Variants in IMMP2L observed in about 807,000 individuals in gnomAD.
The protein encoded by IMMP2L is inner mitochondrial membrane peptidase subunit 2, also known as mitochondrial inner membrane protease subunit 2.
Under a neutral mutation model 19.3 loss-of-function variants are expected in IMMP2L, and 18 were observed. The ratio of observed to expected loss-of-function variants is 0.93; its 90% CI spans 0.64 to 1.38. The LOEUF is 1.38. Ranked by LOEUF, IMMP2L falls within the 40% of genes most tolerant of loss-of-function variation. The probability of loss-of-function intolerance (pLI) is 0.00; values close to 1 mark genes in which losing one functional copy is unlikely to be tolerated. For synonymous variants in IMMP2L, 76 were observed against 73.0 expected, an observed-to-expected ratio of 1.04 and a Z score of -0.21; for missense variants, 233 against 218.2, an observed-to-expected ratio of 1.07 and a Z score of -0.43.
chr7:111,291,221 G>C (rs574958074), intron 3 of IMMP2L, among the ~76,000 whole-genome samples: 1 of 151,196 alleles, frequency 6.6e-6, no homozygotes, highest in Non-Finnish European at 1.5e-5. Flanking sequence ...TCTTTTGAGG[G>C]AAAAAAAAAG....
intron 5 of IMMP2L, among the ~76,000 whole-genome samples, chr7:110,844,922 A>AG (rs1332840959): frequency 6.6e-6 from 1 of 151,976 alleles, no homozygotes; most frequent in African/African-American, 2.4e-5. Flanking sequence ...GAGGATTGAA[A>AG]GGGGAGGCCC....
chr7:110,932,258 C>T (rs376652200), intron 4 of IMMP2L, among the ~76,000 whole-genome samples: 3 of 152,164 alleles, frequency 2.0e-5, no homozygotes, highest in South Asian at 2.1e-4. Flanking sequence ...ATTTCTAGAT[C>T]GAATGAATCC....
chr7:111,350,350 C>CATATATATAT (rs35448482), intron 3 of IMMP2L, among the ~76,000 whole-genome samples: 7 of 147,216 alleles, frequency 4.8e-5, no homozygotes, highest in African/African-American at 1.7e-4. Flanking sequence ...TGCATATATA[C>CATATATATAT]ATATATATAT....
At chr7:111,497,547 C>T (rs112132797) in intron 2 of IMMP2L, among the ~76,000 whole-genome samples, 17 of 151,384 alleles carry the variant, frequency 1.1e-4, no homozygotes, top group South Asian at 4.2e-4. Flanking sequence ...GTGAAAAATG[C>T]GACATAGAAA....
intron 3 of IMMP2L, among the ~76,000 whole-genome samples, chr7:111,429,325 C>G (rs1836401317): frequency 6.6e-6 from 1 of 151,860 alleles, no homozygotes; most frequent in Admixed American, 6.6e-5. Flanking sequence ...AATTAACCTA[C>G]TCTTTTCAAA....
At chr7:110,815,183 T>C (rs983925909) in intron 5 of IMMP2L, among the ~76,000 whole-genome samples, 3 of 152,186 alleles carry the variant, frequency 2.0e-5, no homozygotes, top group Non-Finnish European at 2.9e-5. Flanking sequence ...GAAGCGCTGT[T>C]GAATTTTGTC....
At chr7:111,323,378 G>A (rs899252923) in intron 3 of IMMP2L, among the ~76,000 whole-genome samples, 16 of 151,804 alleles carry the variant, frequency 1.1e-4, no homozygotes, top group African/African-American at 2.2e-4. Context: ...CAGCCAAAAG[G>A]CACATGAAAA....
At chr7:111,305,111 T>G (rs926198911) in intron 3 of IMMP2L, among the ~76,000 whole-genome samples, 11 of 152,058 alleles carry the variant, frequency 7.2e-5, no homozygotes, top group African/African-American at 2.2e-4. Context: ...TTCTTTTGAT[T>G]TGCTATGAAA....
chr7:110,685,619 G>GT (rs1198840570), intron 5 of IMMP2L, among the ~76,000 whole-genome samples: 1 of 152,064 alleles, frequency 6.6e-6, no homozygotes, highest in Non-Finnish European at 1.5e-5. Flanking sequence ...ATGGTTTATT[G>GT]TAAGTATAAA....
At chr7:110,756,957 TG>T (rs1470355357) in intron 5 of IMMP2L, among the ~76,000 whole-genome samples, 1 of 152,080 alleles carries the variant, frequency 6.6e-6, no homozygotes, top group Non-Finnish European at 1.5e-5. Flanking sequence ...ACATTTTATT[TG>T]TATGTATTTA....
chr7:111,441,282 C>T (rs572077277), intron 3 of IMMP2L, among the ~76,000 whole-genome samples: 21 of 151,948 alleles, frequency 1.4e-4, no homozygotes, highest in Non-Finnish European at 2.2e-4. Context: ...GCCCTCCTCA[C>T]TAAGCTGAAT....
chr7:110,822,456 A>T (rs1014056084), intron 5 of IMMP2L, among the ~76,000 whole-genome samples: 6 of 152,076 alleles, frequency 3.9e-5, no homozygotes, highest in African/African-American at 1.4e-4. Context: ...CTGTGAATGA[A>T]AATTTCTCTG....
intron 5 of IMMP2L, among the ~76,000 whole-genome samples, chr7:110,871,041 C>T (rs892245093): frequency 6.6e-6 from 1 of 151,872 alleles, no homozygotes; most frequent in African/African-American, 2.4e-5. Context: ...GACTCTAGGA[C>T]GTTGGTGGAA....
chr7:110,930,631 C>T (rs763772751), intron 4 of IMMP2L, among the ~76,000 whole-genome samples: 1 of 152,010 alleles, frequency 6.6e-6, no homozygotes, highest in Non-Finnish European at 1.5e-5. Context: ...AACATAAAAC[C>T]CAAACTACTT....
intron 5 of IMMP2L, among the ~76,000 whole-genome samples, chr7:110,738,058 C>T (rs933221431): frequency 2.6e-5 from 4 of 152,202 alleles, no homozygotes; most frequent in African/African-American, 9.6e-5. Context: ...ATCTGCACAG[C>T]AGCCCCTGAG....
intron 2 of IMMP2L, among the ~76,000 whole-genome samples, chr7:111,492,050 G>A (rs1052003118): frequency 1.3e-5 from 2 of 151,718 alleles, no homozygotes; most frequent in African/African-American, 4.8e-5. Flanking sequence ...CACAGCCTAT[G>A]ATTATTTCTA....
intron 4 of IMMP2L, among the ~76,000 whole-genome samples, chr7:110,911,875 A>G (rs1813092061): frequency 6.6e-6 from 1 of 152,162 alleles, no homozygotes; most frequent in South Asian, 2.1e-4. Context: ...TTGACGGGAC[A>G]GTAAATATGT....
chr7:110,902,453 A>C (rs772468888), intron 4 of IMMP2L, among the ~76,000 whole-genome samples: 1 of 144,410 alleles, frequency 6.9e-6, no homozygotes, highest in Non-Finnish European at 1.5e-5. Context: ...TAGAAAAATA[A>C]AATATAAATA....
intron 4 of IMMP2L, among the ~76,000 whole-genome samples, chr7:110,915,998 CT>C (rs1813569379): frequency 6.6e-6 from 1 of 152,148 alleles, no homozygotes; most frequent in Admixed American, 6.6e-5. Context: ...ACAGCCAATA[CT>C]TTTCTAACTC....
Sources: allele counts gnomAD v4.1 joint callset (sites outside exome capture counted in the v4.1 genomes callset), GRCh38; gene constraint gnomAD v4.1.1; transcripts MANE v1.5; gene names NCBI Gene and HGNC (gene_info 2026-07-23, HGNC 2026-07-21).